The following WWC1 variants were observed in gnomAD, a reference collection of about 807,000 sequenced individuals.
WWC1 encodes WW and C2 domain containing 1.
WWC1 carries 55 observed loss-of-function variants against 138.4 expected under a neutral mutation model. The observed-to-expected ratio is 0.40, with a 90% CI of 0.32 to 0.50. WWC1 has a LOEUF of 0.50. WWC1 is among the 20% of genes least tolerant of loss of function. The probability of loss-of-function intolerance (pLI) is 0.72; values close to 1 mark genes in which losing one functional copy is unlikely to be tolerated. For synonymous variants in WWC1, 524 were observed against 564.9 expected (o/e 0.93, Z 1.03); for missense variants, 1,226 against 1,420.4 (o/e 0.86, Z 2.20).
intron 2 of WWC1, among the ~76,000 whole-genome samples, chr5:168,377,285 T>G (rs1777259126): frequency 6.6e-6 from 1 of 152,120 alleles, no homozygotes; most frequent in Non-Finnish European, 1.5e-5. Flanking sequence ...TAACTCAAAA[T>G]GGATTAAAGA....
chr5:168,408,516 A>G lies in WWC1; in HGVS notation c.730A>G (p.Met244Val), dbSNP rs765217357. ...CTCTCCCCTCCTTCAGAGCCTTGCCATGTTGAAGGACGGCTTCCGCACTGA... is the reference window on the plus strand; with the variant it reads ...CTCTCCCCTCCTTCAGAGCCTTGCCGTGTTGAAGGACGGCTTCCGCACTGA... Reference protein sequence around the residue: ...EKQDLIKSLAMLKDGFRTDRG... With the variant: ...EKQDLIKSLAVLKDGFRTDRG... The change falls in exon 7 of 23, where the codon ATG (methionine) becomes GTG (valine). Residue 244 changes from methionine to valine, a missense_variant. This residue lies in a region of WWC1 where 1,016 missense variants were observed against 1,153.9 expected (regional missense o/e 0.88). Transcript: ENST00000265293. 52 of 1,613,916 alleles carry G rather than the reference A, an allele frequency of 3.2e-5. No homozygotes were observed. Among genetic ancestry groups the G allele is most frequent in the Non-Finnish European group, 3.6e-5 (42 of 1,179,962 alleles).
Position 168,444,529 on chromosome 5 carries a change from G to A in WWC1, c.2469G>A (p.Val823=), listed in dbSNP as rs747650348. The A allele has an allele frequency of 3.7e-6, 6 of 1,603,054 alleles. No homozygotes were observed. In the South Asian group the frequency reaches 6.7e-5, roughly 18 times the overall value. Residue 823 remains valine (V), a synonymous_variant, in exon 17 of 23, where the codon GTG becomes GTA. Coordinates refer to ENST00000265293, the MANE Select transcript of WWC1 (RefSeq NM_015238.3). ...AVSALLEQTA[V]ELEKRQEGRS... ...CTGCTCTGTTGGAACAGACAGCAGT[G>A]GAGCTGGAGAAGAGGCAGGAGGGCA...
chr5:168,410,727 A>T (rs6877814), intron 8 of WWC1, among the ~76,000 whole-genome samples: 3,929 of 152,078 alleles, frequency 0.026, 152 homozygotes, highest in African/African-American at 0.087. Context: ...GTACTAAAAC[A>T]TTTGTGCATG....
chr5:168,451,903 C>CTTTT (rs3085192), intron 17 of WWC1, among the ~76,000 whole-genome samples: 23,335 of 107,580 alleles, frequency 0.22, 2,917 homozygotes, highest in East Asian at 0.36. Context: ...TTGTTGGTGT[C>CTTTT]TTTTTTTTTT....
At chr5:168,452,429 C>T (rs1043491317) in intron 17 of WWC1, among the ~76,000 whole-genome samples, 1 of 152,152 alleles carries the variant, frequency 6.6e-6, no homozygotes, top group African/African-American at 2.4e-5. Flanking sequence ...GACACACAGA[C>T]ACCAGGGATG....
intron 5 of WWC1, among the ~76,000 whole-genome samples, chr5:168,400,579 A>G (rs780124576): frequency 3.9e-5 from 6 of 152,190 alleles, no homozygotes; most frequent in Non-Finnish European, 8.8e-5. Context: ...CAACACTGTA[A>G]GGAATGCTTT....
chr5:168,385,093 A>C, intron 2 of WWC1, 118 bp from the exon 3 acceptor site: 1 of 981,176 alleles, frequency 1.0e-6, no homozygotes, highest in South Asian at 1.7e-5. Context: ...CCCCACTTAC[A>C]TTTATTGTGA....
At chr5:168,426,112 G>A (rs1336290520) in intron 11 of WWC1, among the ~76,000 whole-genome samples, 1 of 152,130 alleles carries the variant, frequency 6.6e-6, no homozygotes, top group Non-Finnish European at 1.5e-5. Context: ...AGGGAAATGA[G>A]GTTTCCTTGT....
chr5:168,355,112 G>A (rs1042384880), intron 1 of WWC1, among the ~76,000 whole-genome samples: 15 of 152,194 alleles, frequency 9.9e-5, no homozygotes, highest in African/African-American at 3.6e-4. Flanking sequence ...GAGACAGACA[G>A]TCAACATATC....
intron 15 of WWC1, among the ~76,000 whole-genome samples, chr5:168,437,556 T>C (rs1361310944): frequency 6.6e-6 from 1 of 152,172 alleles, no homozygotes; most frequent in African/African-American, 2.4e-5. Flanking sequence ...GCAGGAATAT[T>C]TATCTGCCTT....
intron 1 of WWC1, among the ~76,000 whole-genome samples, chr5:168,320,618 T>C (rs1243391581): frequency 1.3e-5 from 2 of 152,122 alleles, no homozygotes; most frequent in African/African-American, 4.8e-5. Flanking sequence ...GTGTGTTTGG[T>C]AGGTGCTGGG....
intron 11 of WWC1, 112 bp downstream of exon 11, chr5:168,424,180 G>T: frequency 3.0e-6 from 4 of 1,339,990 alleles, no homozygotes; most frequent in Non-Finnish European, 4.0e-6. Flanking sequence ...GCTTCTGTGT[G>T]CTGGGTCTTT....
In WWC1 at chr5:168,414,394, T is replaced by C; in HGVS notation, c.988T>C (p.Trp330Arg). ...IQLAKLDSEA[W>R]PGVLDSERDR... ...GCTGGCCAAGCTTGACAGTGAGGCCTGGCCTGGGGTGCTGGACTCAGAGAG... is the reference window on the plus strand; with the variant it reads ...GCTGGCCAAGCTTGACAGTGAGGCCCGGCCTGGGGTGCTGGACTCAGAGAG... The change falls in exon 9 of 23, where the codon TGG becomes CGG. Residue 330 changes from tryptophan to arginine, a missense_variant. Trp to Arg is a moderately radical substitution (Grantham distance 101). Around this residue, in one of 3 missense-constraint regions of WWC1, gnomAD observed 1,016 missense variants for 1,153.9 expected, o/e 0.88. Coordinates refer to ENST00000265293, the MANE Select transcript of WWC1 (RefSeq NM_015238.3). The C allele has an allele frequency of 3.7e-6, 6 of 1,608,640 alleles. No homozygotes were observed. The highest frequency in any genetic ancestry group is 5.1e-6 in the Non-Finnish European group (6 of 1,177,536).
At chr5:168,345,700 A>T (rs1292541726) in intron 1 of WWC1, among the ~76,000 whole-genome samples, 1 of 152,210 alleles carries the variant, frequency 6.6e-6, no homozygotes, top group Non-Finnish European at 1.5e-5. Context: ...GTGGGGAGCA[A>T]TATTTGTATA....
At chr5:168,315,249 C>T (rs1299587626) in intron 1 of WWC1, among the ~76,000 whole-genome samples, 18 of 151,926 alleles carry the variant, frequency 1.2e-4, no homozygotes, top group Non-Finnish European at 2.4e-4. Context: ...GCTTTAGACT[C>T]CCCAGAGGAG....
chr5:168,444,369 C>T, intron 16 of WWC1, 125 bp from the exon 17 acceptor site: 1 of 941,480 alleles, frequency 1.1e-6, no homozygotes, highest in Non-Finnish European at 1.6e-6. Flanking sequence ...GACACTTGAC[C>T]ACTCTGGTCT....
intron 11 of WWC1, among the ~76,000 whole-genome samples, chr5:168,425,673 A>G (rs902718485): frequency 1.4e-5 from 2 of 142,916 alleles, no homozygotes; most frequent in African/African-American, 2.6e-5. Context: ...TTTTTTTTGT[A>G]TTTTTAGTAG....
chr5:168,420,249 A>G (rs930549584), intron 9 of WWC1, among the ~76,000 whole-genome samples: 2 of 152,146 alleles, frequency 1.3e-5, no homozygotes, highest in African/African-American at 4.8e-5. Flanking sequence ...CTAAAAGTCC[A>G]AGATCAGATG....
intron 9 of WWC1, among the ~76,000 whole-genome samples, chr5:168,419,281 G>A (rs966865645): frequency 1.3e-5 from 2 of 152,178 alleles, no homozygotes; most frequent in Non-Finnish European, 2.9e-5. Context: ...AGGGGATGGA[G>A]GCCAACAGTG....
Sources: allele counts gnomAD v4.1 joint callset (sites outside exome capture counted in the v4.1 genomes callset), GRCh38; gene constraint gnomAD v4.1.1; regional missense constraint gnomAD v4.1.1; transcripts MANE v1.5; gene names NCBI Gene and HGNC (gene_info 2026-07-23, HGNC 2026-07-21).